AIPL1: variants seen among roughly 807,000 people sequenced by gnomAD.
The protein encoded by AIPL1 is aryl-hydrocarbon-interacting protein-like 1.
In AIPL1, 23 loss-of-function variants were observed where a neutral mutation model predicts 32.9. That is an observed-to-expected ratio of 0.70 (90% CI 0.50 to 0.99). The LOEUF is 0.99. Among genes scored for constraint, AIPL1 ranks in the 50% least tolerant of loss-of-function variants. The pLI is 0.00. For synonymous variants in AIPL1, 210 were observed against 209.4 expected, an observed-to-expected ratio of 1.00 and a Z score of -0.02; for missense variants, 485 against 506.0, an observed-to-expected ratio of 0.96 and a Z score of 0.40.
rs758284298 is a variant in AIPL1, at chr17:6,426,765, G to A, written c.643-9C>T. On this transcript the variant is annotated splice_polypyrimidine_tract_variant and intron_variant, in intron 4 of 5. Transcript: ENST00000381129. ...ACCTCCCATGGCTTCTCCTGCCCAG[G>A]GAGAAGGTCAGCCATGACCTCAGGC... The A allele has an allele frequency of 2.0e-5, 33 of 1,613,202 alleles. No homozygotes were observed. Among genetic ancestry groups the A allele is most frequent in the Admixed American group, 8.3e-5 (5 of 59,988 alleles).
Position 6,433,909 on chromosome 17 carries a change from G to C in AIPL1, c.276+10C>G. ...TAGTCCCAGGAGACAGGCGCGCAGGGCCTACTTACGATGGTGTCGCACCAG... is the reference window on the plus strand; with the variant it reads ...TAGTCCCAGGAGACAGGCGCGCAGGCCCTACTTACGATGGTGTCGCACCAG... On this transcript the variant is annotated intron_variant, in intron 2 of 5. Coordinates refer to ENST00000381129, the MANE Select transcript of AIPL1 (RefSeq NM_014336.5). 9 of 1,594,420 alleles carry C rather than the reference G, an allele frequency of 5.6e-6. No individual in the cohort carries two copies. Among genetic ancestry groups the C allele is most frequent in the Non-Finnish European group, 7.7e-6 (9 of 1,171,170 alleles).
rs1475585636 is a variant in AIPL1, at chr17:6,425,772, G to A, written c.843C>T (p.Ala281=). ...ARAHAEVWNE[A]EAKADLQKVL... ...CTTTCTGGAGGTCCGCCTTGGCCTC[G>A]GCCTCATTCCACACCTCTGCGTGAG... Residue 281 remains alanine (A), a synonymous_variant, in exon 6 of 6, where the codon GCC becomes GCT. Transcript: ENST00000381129. The A allele has an allele frequency of 1.9e-6, 3 of 1,606,598 alleles. No homozygotes were observed. The highest frequency in any genetic ancestry group is 3.3e-5 in the Admixed American group (2 of 60,006).
At position 6,428,423 on chromosome 17, in the gene AIPL1, C is replaced by A. The variant is rs372906107; in HGVS notation, c.360G>T (p.Thr120=). The A allele has an allele frequency of 6.2e-7, 1 of 1,613,654 alleles. No individual in the cohort carries two copies. The highest frequency in any genetic ancestry group is 1.7e-5 in the Admixed American group (1 of 60,030). Residue 120 remains threonine (T), a synonymous_variant, in exon 3 of 6, where the codon ACG becomes ACT. Transcript: ENST00000381129. ...AGGCGAACATGTTGGCCAGCCCGCA[C>A]GTGTGCACGTGCCACTCTGTGGGGT... The part of the protein sequence containing the change: ...GKDPTEWHVH[T]CGLANMFAYH...
chr17:6,428,835 G>C (rs8073627), intron 2 of AIPL1, among the ~76,000 whole-genome samples: 92,777 of 152,122 alleles, frequency 0.61, 28,775 homozygotes, highest in Middle Eastern at 0.79. Context: ...GCCATATGCT[G>C]TTAGCCTCCG....
rs2150691847 is a variant in AIPL1 at position 6,433,921 on chromosome 17, T to C, written c.274A>G (p.Ile92Val). Reference protein sequence around the residue: ...HEVAEFWCDTIHTGVYPILSR... With the variant: ...HEVAEFWCDTVHTGVYPILSR... ...ACAGGCGCGCAGGGCCTACTTACGA[T>C]GGTGTCGCACCAGAACTCGGCCACC... is the stretch of plus-strand genomic sequence containing the variant. The change falls in exon 2 of 6, where the codon ATC becomes GTC. Residue 92 changes from isoleucine (I) to valine (V), a missense_variant and splice_region_variant. By Grantham distance (29) the Ile-to-Val change is conservative. Coordinates refer to ENST00000381129, the MANE Select transcript of AIPL1 (RefSeq NM_014336.5). 2 of 1,599,912 alleles carry C rather than the reference T, an allele frequency of 1.3e-6. No individual in the cohort carries two copies. Among genetic ancestry groups the C allele is most frequent in the Non-Finnish European group, 8.5e-7 (1 of 1,174,432 alleles).
At chr17:6,426,024 C>A (rs2150675519) in intron 5 of AIPL1, 194 bp from the exon 6 acceptor site, 2 of 1,050,120 alleles carry the variant, frequency 1.9e-6, no homozygotes, top group East Asian at 5.3e-5. Flanking sequence ...TCCTCCTCTC[C>A]TTTTTAAGGC....
At position 6,426,717 on chromosome 17, in the gene AIPL1, T is replaced by G; in HGVS notation, c.682A>C (p.Met228Leu). ...WEVQWLKLEK[M>L]INTLILNYCQ... ...TAGTTGAGGATCAGAGTATTGATCA[T>G]CTTCTCCAGCTTCAGCCACTGCACC... The change falls in exon 5 of 6, where the codon ATG (methionine) becomes CTG (leucine). Residue 228 changes from methionine to leucine, a missense_variant. Coordinates refer to ENST00000381129, the MANE Select transcript of AIPL1 (RefSeq NM_014336.5). 6.2e-7 allele frequency: 1 copy of G among 1,614,092 alleles called. No individual in the cohort carries two copies. Among genetic ancestry groups the G allele is most frequent in the Non-Finnish European group, 8.5e-7 (1 of 1,179,962 alleles).
chr17:6,426,036 C>T, intron 5 of AIPL1: 2 of 1,069,020 alleles, frequency 1.9e-6, no homozygotes, highest in Non-Finnish European at 2.6e-6. Flanking sequence ...TTTTAAGGCC[C>T]TGTGAGTAAT....
At chr17:6,428,225 G>C (rs1044108487) in intron 3 of AIPL1, 93 bp downstream of exon 3, 121 of 1,381,610 alleles carry the variant, frequency 8.8e-5, no homozygotes, top group Non-Finnish European at 1.2e-4. Context: ...ACAGGGCACT[G>C]TCCAGTGGCC....
chr17:6,425,973 C>T lies in AIPL1; in HGVS notation c.785-143G>A, dbSNP rs560511683. On this transcript the variant is annotated intron_variant, in intron 5 of 5. Transcript: ENST00000381129. ...TCTGTATCCCCCATCCCTCGGTTTC[C>T]TCAACTGTAAGATGGAGATGATGAT... The T allele has an allele frequency of 2.5e-6, 3 of 1,211,772 alleles. No individual in the cohort carries two copies. The East Asian group carries it at 7.7e-5, about 31-fold the overall frequency. 75.1% of individuals were successfully genotyped at this position (1,211,772 alleles called of 1,614,324 possible).
chr17:6,434,213 C>G, intron 1 of AIPL1, 115 bp from the exon 2 acceptor site: 1 of 1,210,760 alleles, frequency 8.3e-7, no homozygotes, highest in Non-Finnish European at 1.2e-6. Context: ...CTCAGTTCAC[C>G]CCATCAGATG....
At chr17:6,434,249 C>G in intron 1 of AIPL1, 151 bp from the exon 2 acceptor site, 1 of 862,376 alleles carries the variant, frequency 1.2e-6, no homozygotes, top group South Asian at 1.4e-5. Flanking sequence ...GCACCTCCAC[C>G]CTGCCTGCAC....
intron 1 of AIPL1, 55 bp downstream of exon 1, chr17:6,434,954 G>C (rs1189278080): frequency 1.2e-6 from 2 of 1,612,734 alleles, no homozygotes; most frequent in Admixed American, 1.7e-5. Flanking sequence ...GGCACACCTG[G>C]AATGTTGAAA....
chr17:6,427,106 A>G (rs1912072510), intron 3 of AIPL1, 49 bp from the exon 4 acceptor site: 1 of 1,602,148 alleles, frequency 6.2e-7, no homozygotes, highest in Admixed American at 1.7e-5. Context: ...AGGGGCCTGC[A>G]CCCCATCAGA....
chr17:6,433,925 G>A lies in AIPL1; in HGVS notation c.270C>T (p.Asp90=), dbSNP rs771961624. The part of the protein sequence containing the change: ...RVHEVAEFWC[D]TIHTGVYPIL... ...GCGCGCAGGGCCTACTTACGATGGT[G>A]TCGCACCAGAACTCGGCCACCTCGT... Residue 90 remains aspartate, a synonymous_variant, in exon 2 of 6, where the codon GAC becomes GAT. Coordinates refer to ENST00000381129, the MANE Select transcript of AIPL1 (RefSeq NM_014336.5). 3 of 1,602,638 alleles carry A rather than the reference G, an allele frequency of 1.9e-6. No individual in the cohort carries two copies. The East Asian group carries it at 6.7e-5, about 36-fold the overall frequency.
chr17:6,434,067 T>C lies in AIPL1; in HGVS notation c.128A>G (p.Asp43Gly). 6.2e-7 allele frequency: 1 copy of C among 1,613,994 alleles called. No homozygotes were observed. Among genetic ancestry groups the C allele is most frequent in the Non-Finnish European group, 8.5e-7 (1 of 1,180,002 alleles). Residue 43 changes from aspartate to glycine, a missense_variant, in exon 2 of 6, where the codon GAT becomes GGT. Coordinates refer to ENST00000381129, the MANE Select transcript of AIPL1 (RefSeq NM_014336.5). ...VIFHFRTMKC[D>G]EERTVIDDSR... ...GTCGTCAATGACTGTCCGCTCCTCA[T>C]CACATTTCATGGTGCGGAAATGAAA...
intron 2 of AIPL1, 139 bp downstream of exon 2, chr17:6,433,780 T>C: frequency 9.2e-7 from 1 of 1,090,352 alleles, no homozygotes; most frequent in East Asian, 2.6e-5. Flanking sequence ...TGCACAGCGG[T>C]GGGGAATAAG....
chr17:6,434,076 A>C lies in AIPL1; in HGVS notation c.119T>G (p.Met40Arg). 6.2e-7 allele frequency: 1 copy of C among 1,613,808 alleles called. No homozygotes were observed. Among genetic ancestry groups the C allele is most frequent in the Non-Finnish European group, 8.5e-7 (1 of 1,179,970 alleles). ...GACTGTCCGCTCCTCATCACATTTC[A>C]TGGTGCGGAAATGAAAGATCACCTA... ...GSRVIFHFRT[M>R]KCDEERTVID... The change falls in exon 2 of 6, where the codon ATG becomes AGG. Residue 40 changes from methionine to arginine, a missense_variant. Coordinates refer to ENST00000381129, the MANE Select transcript of AIPL1 (RefSeq NM_014336.5).
chr17:6,425,760 C>T lies in AIPL1; in HGVS notation c.855G>A (p.Ala285=), dbSNP rs371635123. ...CCAGCTCCAGCACTTTCTGGAGGTC[C>T]GCCTTGGCCTCGGCCTCATTCCACA... ...AEVWNEAEAK[A]DLQKVLELEP... is the part of the protein sequence containing the mutation. The change falls in exon 6 of 6, where the codon GCG becomes GCA. Residue 285 remains alanine (A), a synonymous_variant. Transcript: ENST00000381129. 6 of 1,607,148 alleles carry T rather than the reference C, an allele frequency of 3.7e-6. No individual in the cohort carries two copies. Among genetic ancestry groups the T allele is most frequent in the Non-Finnish European group, 4.2e-6 (5 of 1,180,000 alleles).
Sources: allele counts gnomAD v4.1 joint callset (sites outside exome capture counted in the v4.1 genomes callset), GRCh38; gene constraint gnomAD v4.1.1; transcripts MANE v1.5; gene names NCBI Gene and HGNC (gene_info 2026-07-23, HGNC 2026-07-21).